Variants in ZC3H11A observed in about 807,000 individuals in gnomAD.
ZC3H11A encodes the protein zinc finger CCCH domain-containing protein 11A.
ZC3H11A carries 22 observed loss-of-function variants against 90.8 expected under a neutral mutation model. The ratio of observed to expected loss-of-function variants is 0.24; its 90% confidence interval spans 0.17 to 0.35. The LOEUF (loss-of-function observed/expected upper bound fraction) is 0.35, where lower values mean the gene tolerates loss of function less well. ZC3H11A is among the 10% of genes least tolerant of loss of function. The probability of loss-of-function intolerance (pLI) is 1.00; values close to 1 mark genes in which losing one functional copy is unlikely to be tolerated. For synonymous variants in ZC3H11A, 294 were observed against 339.8 expected (o/e 0.87, Z 1.48); for missense variants, 701 against 964.9 (o/e 0.73, Z 3.62).
At chr1:203,834,684 C>A (rs1683656794) in intron 10 of ZC3H11A, among the ~76,000 whole-genome samples, 1 of 151,884 alleles carries the variant, frequency 6.6e-6, no homozygotes, top group Non-Finnish European at 1.5e-5. Flanking sequence ...GAGTCTTGCT[C>A]TGTCGCCCAC....
At chr1:203,818,958 A>G (rs1432842851) in intron 4 of ZC3H11A, among the ~76,000 whole-genome samples, 2 of 150,988 alleles carry the variant, frequency 1.3e-5, no homozygotes, top group East Asian at 4.0e-4. Context: ...AATTCCAGCT[A>G]CTCGGGAGGC....
chr1:203,817,252 C>A, intron 3 of ZC3H11A, 128 bp downstream of exon 3: 1 of 667,444 alleles, frequency 1.5e-6, no homozygotes, highest in Non-Finnish European at 2.4e-6. Context: ...TATTGGCTGT[C>A]AGTTTTTTAA....
intron 8 of ZC3H11A, among the ~76,000 whole-genome samples, chr1:203,830,859 CAA>C (rs1682026758): frequency 6.7e-6 from 1 of 150,030 alleles, no homozygotes; most frequent in African/African-American, 2.5e-5. Context: ...AGTTCTTCCT[CAA>C]GAGCTGCTAG....
At chr1:203,843,340 C>A (rs2103316651) in intron 12 of ZC3H11A, among the ~76,000 whole-genome samples, 1 of 152,172 alleles carries the variant, frequency 6.6e-6, no homozygotes, top group South Asian at 2.1e-4. Context: ...ACATTAATTT[C>A]TTTTGAGTAT....
At chr1:203,840,913 C>T (rs1293191426) in intron 12 of ZC3H11A, among the ~76,000 whole-genome samples, 2 of 152,114 alleles carry the variant, frequency 1.3e-5, no homozygotes, top group African/African-American at 2.4e-5. Context: ...GGATTACAGG[C>T]ACGAGCCACC....
intron 5 of ZC3H11A, 79 bp downstream of exon 5, chr1:203,828,501 T>C (rs1341000815): frequency 1.3e-6 from 2 of 1,496,130 alleles, no homozygotes; most frequent in Non-Finnish European, 1.8e-6. Flanking sequence ...TTTTCAGACA[T>C]TGACTCCTTT....
At chr1:203,812,858 A>G (rs1674989130) in intron 2 of ZC3H11A, among the ~76,000 whole-genome samples, 1 of 152,150 alleles carries the variant, frequency 6.6e-6, no homozygotes, top group South Asian at 2.1e-4. Context: ...CTGGGATTAC[A>G]AGTGTGAGCC....
intron 11 of ZC3H11A, among the ~76,000 whole-genome samples, chr1:203,838,746 T>C (rs1685141185): frequency 1.3e-5 from 2 of 152,116 alleles, no homozygotes; most frequent in South Asian, 2.1e-4. Context: ...AGGTCAGATG[T>C]TTGAGACCAG....
At position 203,843,836 on chromosome 1, in the gene ZC3H11A, T is replaced by A. The variant is rs556168905; in HGVS notation, c.1043-3348T>A. On this transcript the variant is annotated intron_variant, in intron 12 of 17. Coordinates refer to ENST00000367210, the MANE Select transcript of ZC3H11A (RefSeq NM_001376342.1). Reference sequence around the variant, plus strand: ...GAACTTTCTTTGTTCTCTTATTTTTTTTTCTTTATTCTCGGCCTGGGATTT... The same window carrying A: ...GAACTTTCTTTGTTCTCTTATTTTTATTTCTTTATTCTCGGCCTGGGATTT... Among the ~76,000 whole-genome samples the A allele has an allele frequency of 1.1e-4, 16 of 152,308 alleles. No homozygotes were observed. In the South Asian group the frequency reaches 3.3e-3, roughly 32 times the overall value.
intron 12 of ZC3H11A, among the ~76,000 whole-genome samples, chr1:203,841,050 A>G (rs974421521): frequency 2.6e-5 from 4 of 151,574 alleles, no homozygotes; most frequent in South Asian, 2.1e-4. Context: ...GAACAACGAT[A>G]TGGAAAAATC....
chr1:203,798,758 G>T, intron 1 of ZC3H11A: 1 of 1,536,102 alleles, frequency 6.5e-7, no homozygotes, highest in Admixed American at 2.0e-5. Flanking sequence ...ACATAAGTCA[G>T]GCAATTATCC....
intron 11 of ZC3H11A, 43 bp downstream of exon 11, chr1:203,838,107 A>G: frequency 6.4e-7 from 1 of 1,569,732 alleles, no homozygotes; most frequent in Admixed American, 1.7e-5. Flanking sequence ...TGTAATTATG[A>G]CACTTGTGTC....
intron 12 of ZC3H11A, among the ~76,000 whole-genome samples, chr1:203,841,139 A>C (rs949865942): frequency 6.8e-6 from 1 of 147,474 alleles, no homozygotes; most frequent in Non-Finnish European, 1.5e-5. Flanking sequence ...GCAACATAAG[A>C]ATCTTTTTTT....
chr1:203,818,713 A>G (rs1345433331), intron 4 of ZC3H11A, 24 bp downstream of exon 4: 5 of 1,613,766 alleles, frequency 3.1e-6, no homozygotes, highest in Non-Finnish European at 4.2e-6. Context: ...TTCCGTTATC[A>G]TAATAAGTAG....
At position 203,840,413 on chromosome 1, in the gene ZC3H11A, C is replaced by A. The variant is rs372562453; in HGVS notation, c.1042+39C>A. The A allele has an allele frequency of 2.5e-6, 4 of 1,590,478 alleles. No individual in the cohort carries two copies. The South Asian group carries it at 4.6e-5, about 18-fold the overall frequency. The stretch of plus-strand genomic sequence containing the variant: ...AAGACCAGATTCTGATTATTTTTTT[C>A]TTTGCTGTAAGAGCCTTTGCTTTTT... On this transcript the variant is annotated intron_variant, in intron 12 of 17. Coordinates refer to ENST00000367210, the MANE Select transcript of ZC3H11A (RefSeq NM_001376342.1).
intron 1 of ZC3H11A, chr1:203,799,234 A>G (rs760473401): frequency 3.5e-6 from 3 of 862,898 alleles, no homozygotes; most frequent in South Asian, 1.4e-5. Context: ...AATGTGGTAC[A>G]TGCAATCAAA....
intron 4 of ZC3H11A, among the ~76,000 whole-genome samples, chr1:203,824,146 T>C (rs1254591346): frequency 6.6e-6 from 1 of 152,008 alleles, no homozygotes; most frequent in African/African-American, 2.4e-5. Flanking sequence ...CGCAGCCATG[T>C]AGTCCCAGCT....
chr1:203,837,981 C>T lies in ZC3H11A; in HGVS notation c.890C>T (p.Pro297Leu). 1 of 1,613,472 alleles carries T rather than the reference C, an allele frequency of 6.2e-7. No homozygotes were observed. The highest frequency in any genetic ancestry group is 1.3e-5 in the African/African-American group (1 of 75,006). Residue 297 changes from proline (P) to leucine (L), a missense_variant, in exon 11 of 18, where the codon CCT becomes CTT. Physicochemically the swap from Pro to Leu is moderately conservative, Grantham distance 98 (BLOSUM62 -3). Around this residue, in one of 4 missense-constraint regions of ZC3H11A, gnomAD observed 530 missense variants for 696.2 expected, o/e 0.76. Transcript: ENST00000367210. ...RKFSAGGDSD[P>L]PLKRSLAQRL... ...CTCTTTATAGGCGGTGACAGTGATC[C>T]TCCATTAAAGCGTAGCCTGGCACAG...
At chr1:203,796,643 G>GA (rs1340330802) in intron 1 of ZC3H11A, 1 of 393,674 alleles carries the variant, frequency 2.5e-6, no homozygotes, top group African/African-American at 2.1e-5. Flanking sequence ...GGGATCAATC[G>GA]AAAAATGGAA....
Sources: gnomAD v4.1 joint callset for allele counts (sites outside exome capture counted in the v4.1 genomes callset) on GRCh38, gnomAD v4.1.1 for gene constraint, gnomAD v4.1.1 regional missense constraint, MANE v1.5 for transcripts, NCBI Gene and HGNC (gene_info 2026-07-23, HGNC 2026-07-21) for gene names.